The following WWP2 variants were observed in gnomAD, a reference collection of about 807,000 sequenced individuals.
The protein encoded by WWP2 is NEDD4-like E3 ubiquitin-protein ligase WWP2.
Under a neutral mutation model 121.0 loss-of-function variants are expected in WWP2, and 57 were observed. The observed-to-expected ratio is 0.47, with a 90% confidence interval of 0.38 to 0.59. The LOEUF (loss-of-function observed/expected upper bound fraction) is 0.59. Ranked by LOEUF, WWP2 falls within the 20% of genes least tolerant of loss-of-function variation. The pLI is 0.00. For synonymous variants in WWP2, 449 were observed against 441.3 expected, an observed-to-expected ratio of 1.02 and a Z score of -0.22; for missense variants, 962 against 1,158.9, an observed-to-expected ratio of 0.83 and a Z score of 2.47.
At chr16:69,778,092 C>T (rs57824734) in intron 1 of WWP2, among the ~76,000 whole-genome samples, 40,748 of 134,250 alleles carry the variant, frequency 0.3, 6,601 homozygotes, top group East Asian at 0.44. Context: ...TATATATATA[C>T]ACACACACAC....
chr16:69,845,030 A>G (rs535108684), intron 6 of WWP2, among the ~76,000 whole-genome samples: 1 of 152,320 alleles, frequency 6.6e-6, no homozygotes, highest in East Asian at 1.9e-4. Context: ...TCTATTGGAT[A>G]AAGGTGTAGG....
chr16:69,832,808 G>A (rs1567692025), intron 4 of WWP2, among the ~76,000 whole-genome samples: 1 of 152,172 alleles, frequency 6.6e-6, no homozygotes, highest in African/African-American at 2.4e-5. Context: ...CTCCCAAAGT[G>A]CTGGGATTAC....
intron 7 of WWP2, among the ~76,000 whole-genome samples, chr16:69,875,383 A>G (rs1353202215): frequency 6.6e-6 from 1 of 152,228 alleles, no homozygotes. Flanking sequence ...TCAGGATGGT[A>G]GTTGTTGAAG....
chr16:69,772,238 G>A (rs1026210265), intron 1 of WWP2, among the ~76,000 whole-genome samples: 1 of 152,134 alleles, frequency 6.6e-6, no homozygotes, highest in African/African-American at 2.4e-5. Context: ...TGGACTAAAA[G>A]TCTGCTTGGG....
chr16:69,807,055 T>G (rs1190401865), intron 4 of WWP2, among the ~76,000 whole-genome samples: 2 of 151,586 alleles, frequency 1.3e-5, no homozygotes, highest in African/African-American at 4.9e-5. Context: ...TGAGATGGAG[T>G]TTATCTCTTT....
At chr16:69,894,445 C>T (rs550572645) in intron 8 of WWP2, among the ~76,000 whole-genome samples, 9 of 152,132 alleles carry the variant, frequency 5.9e-5, no homozygotes, top group Admixed American at 3.3e-4. Context: ...CACGTCTGCA[C>T]GTTTTAAGAA....
At position 69,830,185 on chromosome 16, in the gene WWP2, G is replaced by A. The variant is rs1016650002; in HGVS notation, c.341-9941G>A. ...GCCTAGGTGGGTCTTGAACTCCAGCGCTCAGGCGATCTCTCTGCCTTGGCC... is the reference window on the plus strand; with the variant it reads ...GCCTAGGTGGGTCTTGAACTCCAGCACTCAGGCGATCTCTCTGCCTTGGCC... On this transcript the variant is annotated intron_variant, in intron 4 of 23. Transcript: ENST00000359154. Among the ~76,000 whole-genome samples the A allele has an allele frequency of 1.8e-4, 28 of 152,158 alleles. No individual in the cohort carries two copies. The East Asian group carries it at 3.7e-3, about 20-fold the overall frequency.
At position 69,778,072 on chromosome 16, in the gene WWP2, A is replaced by AATATATATAT. The variant is rs138021233; in HGVS notation, c.-15-8914_-15-8905dup. On this transcript the variant is annotated intron_variant, in intron 1 of 23. Transcript: ENST00000359154. The stretch of plus-strand genomic sequence containing the variant: ...GGTGACAGAGTGAAACCCTGTCTCA[A>AATATATATAT]ATATATATATATATATATACACACA... Among the ~76,000 whole-genome samples the AATATATATAT allele has an allele frequency of 2.5e-3, 340 of 137,508 alleles. 2 individuals are homozygous for AATATATATAT. Among genetic ancestry groups the AATATATATAT allele is most frequent in the Admixed American group, 6.1e-3 (79 of 13,022 alleles). 90.2% of individuals were successfully genotyped at this position (137,508 alleles called of 152,430 possible).
Position 69,888,203 on chromosome 16 carries a change from C to T in WWP2, c.868C>T (p.Gln290Ter). The T allele has an allele frequency of 6.2e-7, 1 of 1,614,196 alleles. No individual in the cohort carries two copies. Among genetic ancestry groups the T allele is most frequent in the Non-Finnish European group, 8.5e-7 (1 of 1,180,036 alleles). ...AGAGGAACCCAGCACTTCGGGTACA[C>T]AGCAGCTCCCAGCGGCTGCCCAGGC... ...EGEEPSTSGT[Q>*]QLPAAAQAPD... Residue 290 changes from glutamine (Q) to a stop codon, truncating the protein, a stop_gained, in exon 8 of 24, where the codon CAG becomes TAG. Transcript: ENST00000359154. LOFTEE classifies it high-confidence loss of function.
At chr16:69,808,774 A>G (rs1203653337) in intron 4 of WWP2, among the ~76,000 whole-genome samples, 2 of 152,310 alleles carry the variant, frequency 1.3e-5, no homozygotes, top group South Asian at 2.1e-4. Flanking sequence ...CCATTCTCCT[A>G]TTGGTAGACA....
chr16:69,766,214 C>T (rs145110293), intron 1 of WWP2, among the ~76,000 whole-genome samples: 55 of 152,278 alleles, frequency 3.6e-4, no homozygotes, highest in Non-Finnish European at 5.1e-4. Context: ...ACCCTTGACT[C>T]GTCTCTTCCT....
intron 8 of WWP2, among the ~76,000 whole-genome samples, chr16:69,898,218 G>C (rs912700446): frequency 2.0e-5 from 3 of 151,850 alleles, no homozygotes; most frequent in Admixed American, 6.5e-5. Flanking sequence ...AGTAGAGACA[G>C]GGTTTCGCCA....
At chr16:69,895,936 C>T (rs574443486) in intron 8 of WWP2, among the ~76,000 whole-genome samples, 13 of 152,114 alleles carry the variant, frequency 8.5e-5, no homozygotes, top group South Asian at 4.1e-4. Flanking sequence ...TAGTTTGTGA[C>T]TCTGCAGGGA....
chr16:69,804,607 G>A (rs1195088052), intron 4 of WWP2, among the ~76,000 whole-genome samples: 2 of 152,060 alleles, frequency 1.3e-5, no homozygotes, highest in African/African-American at 4.8e-5. Flanking sequence ...ATATCTGGCA[G>A]TTAAGTTTCT....
intron 6 of WWP2, among the ~76,000 whole-genome samples, chr16:69,862,388 A>G (rs957265493): frequency 6.6e-6 from 1 of 151,640 alleles, no homozygotes; most frequent in South Asian, 2.1e-4. Context: ...TTTGAGATGG[A>G]GTCTCGCTGT....
Position 69,763,592 on chromosome 16 carries a change from C to T in WWP2, c.-16+1201C>T, listed in dbSNP as rs147087762. Among the ~76,000 whole-genome samples the T allele has an allele frequency of 4.3e-3, 657 of 152,316 alleles. 9 individuals carry two copies. The highest frequency in any genetic ancestry group is 0.015 in the African/African-American group (616 of 41,564). On this transcript the variant is annotated intron_variant, in intron 1 of 23. Transcript: ENST00000359154. ...AACATTTAAAAATTAGTTTTTGCAG[C>T]AGCGCCTATGAGTGAGGTTGGGAAG...
At chr16:69,805,003 G>T (rs2056245255) in intron 4 of WWP2, among the ~76,000 whole-genome samples, 3 of 150,440 alleles carry the variant, frequency 2.0e-5, no homozygotes, top group South Asian at 4.2e-4. Flanking sequence ...GAGTCCTTTA[G>T]TATAGGTTTG....
chr16:69,930,023 C>T (rs1446978712), intron 12 of WWP2, 107 bp from the exon 13 acceptor site: 1 of 1,533,654 alleles, frequency 6.5e-7, no homozygotes, highest in Non-Finnish European at 8.8e-7. Context: ...CTCAAAGTCC[C>T]TCATGGGCTC....
At chr16:69,839,699 A>G (rs557454805) in intron 4 of WWP2, among the ~76,000 whole-genome samples, 1 of 152,354 alleles carries the variant, frequency 6.6e-6, no homozygotes, top group Non-Finnish European at 1.5e-5. Flanking sequence ...AGCCCCTGCA[A>G]TCCCTCATCT....
Sources: gnomAD v4.1 joint callset for allele counts (sites outside exome capture counted in the v4.1 genomes callset) on GRCh38, gnomAD v4.1.1 for gene constraint, MANE v1.5 for transcripts, NCBI Gene and HGNC (gene_info 2026-07-23, HGNC 2026-07-21) for gene names.